Variants in PTPRT observed in about 807,000 individuals in gnomAD.
The protein encoded by PTPRT is protein tyrosine phosphatase receptor type T, also known as receptor-type tyrosine-protein phosphatase T.
Under a neutral mutation model 176.8 loss-of-function variants are expected in PTPRT, and 56 were observed. The ratio of observed to expected loss-of-function variants is 0.32; its 90% CI spans 0.26 to 0.40. PTPRT has a LOEUF of 0.40. PTPRT is among the 10% of genes least tolerant of loss of function. The pLI is 1.00. For missense variants in PTPRT, 1,540 were observed against 1,908.2 expected (o/e 0.81, Z 3.60); for synonymous variants, 783 against 739.0 (o/e 1.06, Z -0.96).
chr20:42,648,822 T>TTTTTTTTTTTTTTTG (rs1555893444), intron 7 of PTPRT, among the ~76,000 whole-genome samples: 4 of 42,360 alleles, frequency 9.4e-5, no homozygotes, highest in Non-Finnish European at 2.0e-4. Context: ...GTGTCGTTGT[T>TTTTTTTTTTTTTTTG]TTTTTTTTTT....
chr20:43,146,946 C>T (rs2014188292), intron 1 of PTPRT, among the ~76,000 whole-genome samples: 1 of 152,176 alleles, frequency 6.6e-6, no homozygotes, highest in Non-Finnish European at 1.5e-5. Flanking sequence ...GGCCAGCAGC[C>T]AAGGCCTTCC....
At chr20:42,938,824 T>C (rs1568689779) in intron 1 of PTPRT, among the ~76,000 whole-genome samples, 2 of 152,106 alleles carry the variant, frequency 1.3e-5, no homozygotes, top group African/African-American at 2.4e-5. Flanking sequence ...AAATTACAAA[T>C]TTTCATTCTT....
At chr20:42,316,723 A>T (rs1362747871) in intron 11 of PTPRT, among the ~76,000 whole-genome samples, 3 of 152,166 alleles carry the variant, frequency 2.0e-5, no homozygotes, top group Non-Finnish European at 4.4e-5. Flanking sequence ...GCTATTGCAC[A>T]GACATCTTTT....
intron 1 of PTPRT, among the ~76,000 whole-genome samples, chr20:42,977,327 G>A (rs1385291612): frequency 6.6e-6 from 1 of 152,052 alleles, no homozygotes; most frequent in Non-Finnish European, 1.5e-5. Context: ...GTCAACAAGG[G>A]CACCCAGCTA....
At chr20:42,729,184 G>A (rs188895334) in intron 6 of PTPRT, among the ~76,000 whole-genome samples, 1 of 152,262 alleles carries the variant, frequency 6.6e-6, no homozygotes, top group African/African-American at 2.4e-5. Flanking sequence ...CCTCAGGTTT[G>A]GCAAAATGAG....
chr20:42,140,023 A>G (rs1418556993), intron 18 of PTPRT, among the ~76,000 whole-genome samples: 1 of 152,266 alleles, frequency 6.6e-6, no homozygotes, highest in Non-Finnish European at 1.5e-5. Flanking sequence ...TTTTCTGATT[A>G]GTTCTACCAT....
At chr20:43,173,102 G>A (rs1436768274) in intron 1 of PTPRT, among the ~76,000 whole-genome samples, 2 of 151,904 alleles carry the variant, frequency 1.3e-5, no homozygotes, top group African/African-American at 2.4e-5. Context: ...TCGAACTCCC[G>A]ACCTCAGGTG....
intron 8 of PTPRT, 75 bp from the exon 9 acceptor site, chr20:42,448,404 G>T: frequency 8.6e-7 from 1 of 1,157,182 alleles, no homozygotes; most frequent in Non-Finnish European, 1.3e-6. Flanking sequence ...CTAGAACAGG[G>T]GTTGACAAAG....
intron 3 of PTPRT, among the ~76,000 whole-genome samples, chr20:42,784,849 C>A (rs1257148093): frequency 6.6e-6 from 1 of 152,086 alleles, no homozygotes; most frequent in Non-Finnish European, 1.5e-5. Flanking sequence ...ACAGAAAATT[C>A]AGAATCATTA....
rs1555876062 is a variant in PTPRT, at chr20:42,145,541, G to GATAGAT, written c.2683-3545_2683-3540dup. Among the ~76,000 whole-genome samples the GATAGAT allele has an allele frequency of 5.3e-5, 8 of 151,852 alleles. No individual in the cohort carries two copies. The South Asian group carries it at 6.2e-4, about 12-fold the overall frequency. On this transcript the variant is annotated intron_variant, in intron 17 of 30. Coordinates refer to ENST00000373187, the MANE Select transcript of PTPRT (RefSeq NM_007050.6). ...AGATAGATAGATAGATAGATAGATA[G>GATAGAT]ATAGATGGATGTTGGGCTGGATTTA...
chr20:42,129,926 A>C (rs1265768313), intron 18 of PTPRT, among the ~76,000 whole-genome samples: 2 of 152,220 alleles, frequency 1.3e-5, no homozygotes, highest in South Asian at 2.1e-4. Context: ...TCAGTAGTAC[A>C]TGGAAAAGGT....
chr20:42,043,839 A>G, the PTPRT span, among the ~76,000 whole-genome samples: 1 of 152,244 alleles, frequency 6.6e-6, no homozygotes. Context: ...AGCTTCAGCA[A>G]CAGTTGCTGG....
chr20:42,275,483 T>C (rs1254328806), intron 13 of PTPRT, among the ~76,000 whole-genome samples: 1 of 152,196 alleles, frequency 6.6e-6, no homozygotes, highest in African/African-American at 2.4e-5. Flanking sequence ...CCAAGGTACA[T>C]GCTTGAATGG....
chr20:42,080,426 T>C lies in PTPRT; in HGVS notation c.*453A>G, dbSNP rs951828499. 1.7e-5 allele frequency: 4 copies of C among 235,984 alleles called. No homozygotes were observed. Among genetic ancestry groups the C allele is most frequent in the Admixed American group, 5.5e-5 (1 of 18,264 alleles). 14.6% of individuals were successfully genotyped at this position (235,984 alleles called of 1,614,324 possible). Reference sequence around the variant, plus strand: ...GAGGTTGCAGGGGGCAGCAGAGCAGTGACCCCCAAGAGCCTCAATCTTTTC... The same window carrying C: ...GAGGTTGCAGGGGGCAGCAGAGCAGCGACCCCCAAGAGCCTCAATCTTTTC... On this transcript the variant is annotated 3_prime_UTR_variant, in exon 31 of 31. Coordinates refer to ENST00000373187, the MANE Select transcript of PTPRT (RefSeq NM_007050.6).
chr20:42,932,828 T>C (rs1979948206), intron 1 of PTPRT, among the ~76,000 whole-genome samples: 1 of 152,238 alleles, frequency 6.6e-6, no homozygotes, highest in Non-Finnish European at 1.5e-5. Flanking sequence ...AGGCGTCTAC[T>C]GCCTTTGGAA....
intron 1 of PTPRT, among the ~76,000 whole-genome samples, chr20:43,040,996 G>A (rs1208074339): frequency 2.6e-5 from 4 of 152,210 alleles, no homozygotes; most frequent in African/African-American, 7.2e-5. Flanking sequence ...ACCTGGGAGC[G>A]TGTGAGAAAT....
the PTPRT span, among the ~76,000 whole-genome samples, chr20:42,039,702 A>ATATATATATATAT: frequency 7.0e-6 from 1 of 142,516 alleles, no homozygotes; most frequent in Admixed American, 7.1e-5. Flanking sequence ...GTATATATAT[A>ATATATATATATAT]GTAATGTATA....
At chr20:42,543,240 T>C (rs1195218530) in intron 7 of PTPRT, among the ~76,000 whole-genome samples, 1 of 152,198 alleles carries the variant, frequency 6.6e-6, no homozygotes, top group East Asian at 1.9e-4. Flanking sequence ...CTTTCAAAAT[T>C]AGAATCAATC....
chr20:42,844,285 T>C (rs1390198517), intron 2 of PTPRT, among the ~76,000 whole-genome samples: 1 of 152,192 alleles, frequency 6.6e-6, no homozygotes, highest in Non-Finnish European at 1.5e-5. Flanking sequence ...GATGAAAACA[T>C]ACCCCGGGTT....
Sources: allele counts gnomAD v4.1 joint callset (sites outside exome capture counted in the v4.1 genomes callset), GRCh38; gene constraint gnomAD v4.1.1; transcripts MANE v1.5; gene names NCBI Gene and HGNC (gene_info 2026-07-23, HGNC 2026-07-21).